GPC6: variants seen among roughly 807,000 people sequenced by gnomAD.
GPC6 encodes the protein glypican-6.
A neutral mutation model predicts 55.2 loss-of-function variants in GPC6; 14 were observed. That is an observed-to-expected ratio of 0.25 (90% CI 0.17 to 0.40). The LOEUF (loss-of-function observed/expected upper bound fraction) is 0.40, where lower values mean the gene tolerates loss of function less well. Among genes scored for constraint, GPC6 ranks in the 10% least tolerant of loss-of-function variants. The pLI, the probability that GPC6 is intolerant of heterozygous loss-of-function variation, is 1.00. For synonymous variants in GPC6, 278 were observed against 259.6 expected, an observed-to-expected ratio of 1.07 and a Z score of -0.68; for missense variants, 641 against 708.5, an observed-to-expected ratio of 0.90 and a Z score of 1.08.
intron 1 of GPC6, among the ~76,000 whole-genome samples, chr13:93,407,312 C>G (rs1876331244): frequency 6.6e-6 from 1 of 151,682 alleles, no homozygotes; most frequent in African/African-American, 2.4e-5. Flanking sequence ...TATTAATTGA[C>G]AAATCTAGGT....
chr13:93,550,570 A>G (rs1259535184), intron 2 of GPC6, among the ~76,000 whole-genome samples: 1 of 152,190 alleles, frequency 6.6e-6, no homozygotes, highest in Non-Finnish European at 1.5e-5. Flanking sequence ...AATAATTTAT[A>G]TACAATGACA....
intron 2 of GPC6, among the ~76,000 whole-genome samples, chr13:93,763,376 G>A (rs146260539): frequency 6.6e-6 from 1 of 152,162 alleles, no homozygotes; most frequent in Non-Finnish European, 1.5e-5. Flanking sequence ...CAAAGGGCAA[G>A]GTGGTGAGGT....
intron 7 of GPC6, among the ~76,000 whole-genome samples, chr13:94,383,440 G>A (rs1270502823): frequency 1.3e-5 from 2 of 152,158 alleles, no homozygotes; most frequent in South Asian, 4.1e-4. Flanking sequence ...AAACAAGAAG[G>A]TGTGTGGTTG....
intron 1 of GPC6, among the ~76,000 whole-genome samples, chr13:93,438,419 G>T (rs1353032438): frequency 6.6e-6 from 1 of 152,178 alleles, no homozygotes; most frequent in Non-Finnish European, 1.5e-5. Context: ...GAACATTAAT[G>T]ATTTATGGGA....
chr13:93,316,449 T>A (rs1879252950), intron 1 of GPC6, among the ~76,000 whole-genome samples: 1 of 151,994 alleles, frequency 6.6e-6, no homozygotes, highest in Non-Finnish European at 1.5e-5. Context: ...CATAATTAAG[T>A]GTTACAGGAG....
intron 1 of GPC6, among the ~76,000 whole-genome samples, chr13:93,313,630 T>G (rs2139112046): frequency 6.6e-6 from 1 of 152,282 alleles, no homozygotes; most frequent in South Asian, 2.1e-4. Flanking sequence ...TCTATACATT[T>G]TCCATCATAT....
At chr13:93,580,278 T>C (rs141508508) in intron 2 of GPC6, among the ~76,000 whole-genome samples, 13 of 152,318 alleles carry the variant, frequency 8.5e-5, no homozygotes, top group African/African-American at 3.1e-4. Context: ...GCTCATGACC[T>C]ATTCATCTTC....
chr13:93,970,941 G>T (rs910157389), intron 3 of GPC6, among the ~76,000 whole-genome samples: 1 of 152,174 alleles, frequency 6.6e-6, no homozygotes, highest in Non-Finnish European at 1.5e-5. Context: ...ACAAGGACTT[G>T]CATTTTGATA....
chr13:93,256,997 T>C (rs772252443), intron 1 of GPC6, among the ~76,000 whole-genome samples: 4 of 151,882 alleles, frequency 2.6e-5, no homozygotes, highest in Non-Finnish European at 5.9e-5. Context: ...GCCTGTAACT[T>C]TGTGAAAAAA....
intron 1 of GPC6, among the ~76,000 whole-genome samples, chr13:93,280,981 T>A (rs906566685): frequency 2.6e-5 from 4 of 152,200 alleles, no homozygotes; most frequent in Admixed American, 2.0e-4. Flanking sequence ...GCCCAGTTCC[T>A]AATAGGCAAC....
chr13:93,770,806 C>A (rs1188323118), intron 2 of GPC6, among the ~76,000 whole-genome samples: 1 of 152,144 alleles, frequency 6.6e-6, no homozygotes, highest in African/African-American at 2.4e-5. Context: ...GACCCACTTC[C>A]TCTAGAAATA....
chr13:93,606,000 A>G (rs1355757511), intron 2 of GPC6, among the ~76,000 whole-genome samples: 1 of 152,204 alleles, frequency 6.6e-6, no homozygotes, highest in Non-Finnish European at 1.5e-5. Flanking sequence ...ATCAATACAT[A>G]GATTGATGGA....
intron 4 of GPC6, among the ~76,000 whole-genome samples, chr13:94,121,828 A>G (rs1886642359): frequency 6.6e-6 from 1 of 152,076 alleles, no homozygotes; most frequent in Admixed American, 6.6e-5. Context: ...TTGAATCAGC[A>G]TTGTTCATGT....
intron 2 of GPC6, among the ~76,000 whole-genome samples, chr13:93,724,672 A>C (rs922900780): frequency 2.6e-5 from 4 of 151,882 alleles, no homozygotes; most frequent in African/African-American, 9.7e-5. Flanking sequence ...GATTCAACAC[A>C]CCTTTTCTCT....
At chr13:93,556,408 GTATATATATATATA>G (rs36113667) in intron 2 of GPC6, among the ~76,000 whole-genome samples, 17 of 130,960 alleles carry the variant, frequency 1.3e-4, no homozygotes, top group African/African-American at 4.5e-4. Context: ...GTATGTATAT[GTATATATATATATA>G]TATATATATA....
chr13:93,441,658 A>C (rs534505379), intron 1 of GPC6, among the ~76,000 whole-genome samples: 1 of 152,240 alleles, frequency 6.6e-6, no homozygotes, highest in East Asian at 1.9e-4. Context: ...GTTCACTCTG[A>C]TGGTAGTTTC....
At chr13:93,257,717 TG>T (rs1442482580) in intron 1 of GPC6, among the ~76,000 whole-genome samples, 3 of 152,192 alleles carry the variant, frequency 2.0e-5, no homozygotes, top group Non-Finnish European at 4.4e-5. Flanking sequence ...ACAATTCACT[TG>T]TCCAAGGACA....
chr13:93,473,899 G>A (rs181407922), intron 1 of GPC6, among the ~76,000 whole-genome samples: 112 of 152,252 alleles, frequency 7.4e-4, no homozygotes, highest in African/African-American at 2.7e-3. Context: ...TGTGAAGGTG[G>A]GGGTGGTGTG....
intron 1 of GPC6, among the ~76,000 whole-genome samples, chr13:93,361,056 T>G (rs1024567603): frequency 2.6e-5 from 4 of 152,138 alleles, no homozygotes; most frequent in African/African-American, 7.2e-5. Flanking sequence ...CACCTCTTGC[T>G]TGGTGCTACG....
Sources: allele counts gnomAD v4.1 joint callset (sites outside exome capture counted in the v4.1 genomes callset), GRCh38; gene constraint gnomAD v4.1.1; transcripts MANE v1.5; gene names NCBI Gene and HGNC (gene_info 2026-07-23, HGNC 2026-07-21).